B4GALT1: variants seen among roughly 807,000 people sequenced by gnomAD.
The protein encoded by B4GALT1 is beta-1,4-galactosyltransferase 1.
A neutral mutation model predicts 34.9 loss-of-function variants in B4GALT1; 16 were observed. The ratio of observed to expected loss-of-function variants is 0.46; its 90% confidence interval spans 0.31 to 0.70. The LOEUF is 0.70. Ranked by LOEUF, B4GALT1 falls within the 30% of genes least tolerant of loss-of-function variation. B4GALT1 has a pLI of 0.05. For missense variants in B4GALT1, 445 were observed against 530.5 expected, an observed-to-expected ratio of 0.84 and a Z score of 1.58; for synonymous variants, 221 against 218.1, an observed-to-expected ratio of 1.01 and a Z score of -0.12.
Position 33,167,037 on chromosome 9 carries a change from G to C in B4GALT1, c.133C>G (p.Arg45Gly). 6.3e-7 allele frequency: 1 copy of C among 1,599,850 alleles called. No homozygotes were observed. The change falls in exon 1 of 6, where the codon CGC (arginine) becomes GGC (glycine). Residue 45 changes from arginine to glycine, a missense_variant. Arg to Gly is a moderately radical substitution (Grantham distance 125, BLOSUM62 -2). This residue lies in a region of B4GALT1 where 349 missense variants were observed against 395.5 expected (regional missense o/e 0.88). Transcript: ENST00000379731. ...AGTTGGGGCAGGCGGCTCAGGTCGC[G>C]GCCAGCCAGGTAGTAAACGAGGGTG... Reference protein sequence around the residue: ...GVTLVYYLAGRDLSRLPQLVG... With the variant: ...GVTLVYYLAGGDLSRLPQLVG...
At chr9:33,106,482 C>G (rs1280762467), downstream of B4GALT1, among the ~76,000 whole-genome samples, 1 of 152,136 alleles carries the variant, frequency 6.6e-6, no homozygotes, top group Non-Finnish European at 1.5e-5. Context: ...GATCAGGAAG[C>G]CTGAGTTTTG....
the B4GALT1 span, among the ~76,000 whole-genome samples, chr9:33,176,320 G>T: frequency 6.6e-6 from 1 of 152,100 alleles, no homozygotes; most frequent in Non-Finnish European, 1.5e-5. Flanking sequence ...ATTCTTGTAG[G>T]GGAAAAAACT....
At chr9:33,162,768 T>C (rs1840692320) in intron 1 of B4GALT1, among the ~76,000 whole-genome samples, 1 of 152,210 alleles carries the variant, frequency 6.6e-6, no homozygotes, top group Non-Finnish European at 1.5e-5. Context: ...GAGGCTCCAC[T>C]GCAGGTGGAG....
downstream of B4GALT1, among the ~76,000 whole-genome samples, chr9:33,108,044 C>T (rs1170860411): frequency 6.6e-6 from 1 of 152,188 alleles, no homozygotes; most frequent in African/African-American, 2.4e-5. Flanking sequence ...ATGTACATGG[C>T]AGTCTGTATA....
chr9:33,126,037 TC>T (rs1411256486), intron 2 of B4GALT1, among the ~76,000 whole-genome samples: 1 of 151,982 alleles, frequency 6.6e-6, no homozygotes, highest in African/African-American at 2.4e-5. Context: ...ACACTGTTGC[TC>T]CTATACACAT....
In B4GALT1 at chr9:33,120,541, G is replaced by T; in HGVS notation, c.714C>A (p.Asp238Glu). 1 of 1,614,208 alleles carries T rather than the reference G, an allele frequency of 6.2e-7. No individual in the cohort carries two copies. The highest frequency in any genetic ancestry group is 8.5e-7 in the Non-Finnish European group (1 of 1,180,032). ...LNVGFQEALK[D>E]YDYTCFVFSD... is the part of the protein sequence containing the mutation. ...TAAACACAAAGCAGGTGTAGTCATAGTCCTTCAAGGCTTCTTGAAAGCCAA... is the reference window on the plus strand; with the variant it reads ...TAAACACAAAGCAGGTGTAGTCATATTCCTTCAAGGCTTCTTGAAAGCCAA... The change falls in exon 3 of 6, where the codon GAC becomes GAA. Residue 238 changes from aspartate to glutamate, a missense_variant. Asp to Glu is a conservative substitution (Grantham distance 45). Coordinates refer to ENST00000379731, the MANE Select transcript of B4GALT1 (RefSeq NM_001497.4).
intron 3 of B4GALT1, among the ~76,000 whole-genome samples, chr9:33,119,393 C>T (rs1042837385): frequency 1.3e-5 from 2 of 152,144 alleles, no homozygotes; most frequent in Admixed American, 6.5e-5. Flanking sequence ...GAAGTTTGTG[C>T]CCTGCTGGAA....
At chr9:33,115,849 T>C (rs1386416001) in intron 4 of B4GALT1, 142 bp downstream of exon 4, 4 of 1,086,062 alleles carry the variant, frequency 3.7e-6, no homozygotes, top group South Asian at 2.5e-5. Flanking sequence ...GCAGGACCTG[T>C]AGGAAGCCAC....
chr9:33,164,441 G>C (rs1440256860), intron 1 of B4GALT1, among the ~76,000 whole-genome samples: 1 of 152,108 alleles, frequency 6.6e-6, no homozygotes, highest in South Asian at 2.1e-4. Flanking sequence ...AGACCTCTCG[G>C]CCCCCATTTC....
At chr9:33,116,155 A>T (rs908612222) in intron 3 of B4GALT1, 42 bp from the exon 4 acceptor site, 1 of 1,604,098 alleles carries the variant, frequency 6.2e-7, no homozygotes, top group South Asian at 1.1e-5. Flanking sequence ...GTGGTTAGTT[A>T]AGTTCTGACA....
intron 4 of B4GALT1, 58 bp from the exon 5 acceptor site, chr9:33,113,936 GC>G: frequency 6.7e-7 from 1 of 1,499,806 alleles, no homozygotes; most frequent in East Asian, 2.3e-5. Context: ...TGGCCTGAGA[GC>G]CCCGGCTGCA....
downstream of B4GALT1, among the ~76,000 whole-genome samples, chr9:33,105,869 T>G (rs1383647561): frequency 6.9e-6 from 1 of 144,428 alleles, no homozygotes; most frequent in African/African-American, 2.5e-5. Context: ...TATCCATCAA[T>G]GGACTCGTGG....
chr9:33,120,525 A>G lies in B4GALT1; in HGVS notation c.730T>C (p.Phe244Leu), dbSNP rs763709847. The G allele has an allele frequency of 8.7e-6, 14 of 1,614,086 alleles. No individual in the cohort carries two copies. The highest frequency in any genetic ancestry group is 1.2e-5 in the Non-Finnish European group (14 of 1,180,042). ...EALKDYDYTC[F>L]VFSDVDLIPM... Reference sequence around the variant, plus strand: ...ATGAGGTCCACGTCACTAAACACAAAGCAGGTGTAGTCATAGTCCTTCAAG... The same window carrying G: ...ATGAGGTCCACGTCACTAAACACAAGGCAGGTGTAGTCATAGTCCTTCAAG... Residue 244 changes from phenylalanine to leucine, a missense_variant, in exon 3 of 6, where the codon TTT (phenylalanine) becomes CTT (leucine). Transcript: ENST00000379731.
chr9:33,180,348 G>A, the B4GALT1 span, among the ~76,000 whole-genome samples: 1 of 152,184 alleles, frequency 6.6e-6, no homozygotes, highest in African/African-American at 2.4e-5. Flanking sequence ...ACAGAATAGA[G>A]CAGGACCATC....
At chr9:33,128,121 G>A (rs577166785) in intron 2 of B4GALT1, among the ~76,000 whole-genome samples, 2 of 152,290 alleles carry the variant, frequency 1.3e-5, no homozygotes, top group South Asian at 4.1e-4. Flanking sequence ...CTCTCTAGGA[G>A]GCGGAAAGTA....
chr9:33,143,071 G>A (rs901549977), intron 1 of B4GALT1, among the ~76,000 whole-genome samples: 3 of 152,184 alleles, frequency 2.0e-5, no homozygotes, highest in African/African-American at 7.2e-5. Context: ...CTGGAACCTG[G>A]GAAGTGGAGG....
intron 1 of B4GALT1, among the ~76,000 whole-genome samples, chr9:33,154,882 T>A (rs946611635): frequency 3.3e-5 from 5 of 152,192 alleles, no homozygotes; most frequent in Non-Finnish European, 7.4e-5. Flanking sequence ...GTATTTTATA[T>A]GCGGTCCAAG....
At chr9:33,140,218 C>T (rs532608212) in intron 1 of B4GALT1, among the ~76,000 whole-genome samples, 7 of 152,230 alleles carry the variant, frequency 4.6e-5, no homozygotes, top group Non-Finnish European at 1.0e-4. Flanking sequence ...GCAAAATAGG[C>T]TGAAACATCT....
At chr9:33,174,021 A>C in the B4GALT1 span, 1 of 152,274 alleles carries the variant, frequency 6.6e-6, no homozygotes, top group Non-Finnish European at 1.5e-5. Flanking sequence ...AATTTCAAAT[A>C]CTGCCTTAAG....
Sources: gnomAD v4.1 joint callset for allele counts (sites outside exome capture counted in the v4.1 genomes callset) on GRCh38, gnomAD v4.1.1 for gene constraint, gnomAD v4.1.1 regional missense constraint, MANE v1.5 for transcripts, NCBI Gene and HGNC (gene_info 2026-07-23, HGNC 2026-07-21) for gene names.